SPOCK1: variants seen among roughly 807,000 people sequenced by gnomAD.
SPOCK1 encodes the protein SPARC (osteonectin), cwcv and kazal like domains proteoglycan 1.
SPOCK1 carries 23 observed loss-of-function variants against 55.3 expected under a neutral mutation model. The ratio of observed to expected loss-of-function variants is 0.42; its 90% CI spans 0.30 to 0.59. SPOCK1 has a LOEUF of 0.59. SPOCK1 is among the 20% of genes least tolerant of loss of function. The pLI, the probability that SPOCK1 is intolerant of heterozygous loss-of-function variation, is 0.22. For missense variants in SPOCK1, 499 were observed against 552.5 expected (o/e 0.90, Z 0.97); for synonymous variants, 226 against 221.0 (o/e 1.02, Z -0.20).
intron 4 of SPOCK1, among the ~76,000 whole-genome samples, chr5:137,127,991 T>C (rs180987968): frequency 9.3e-4 from 142 of 152,352 alleles, no homozygotes; most frequent in African/African-American, 3.3e-3. Flanking sequence ...GGACAATGTT[T>C]GTGTCTCCCC....
At chr5:136,999,822 C>T (rs567548590) in intron 6 of SPOCK1, among the ~76,000 whole-genome samples, 28 of 152,062 alleles carry the variant, frequency 1.8e-4, no homozygotes, top group Non-Finnish European at 3.7e-4. Flanking sequence ...ATTTGAACAC[C>T]CAATTGGGGA....
intron 3 of SPOCK1, among the ~76,000 whole-genome samples, chr5:137,236,526 C>A (rs1227487796): frequency 6.6e-6 from 1 of 152,202 alleles, no homozygotes; most frequent in African/African-American, 2.4e-5. Flanking sequence ...TCCCTGTAGG[C>A]CCCACAAATG....
chr5:137,242,279 G>A (rs572306024), intron 3 of SPOCK1, among the ~76,000 whole-genome samples: 4 of 152,256 alleles, frequency 2.6e-5, no homozygotes, highest in East Asian at 3.9e-4. Context: ...GGAGGGACCC[G>A]GTCGGAGGTA....
At chr5:137,008,649 T>A (rs1377487832) in intron 6 of SPOCK1, among the ~76,000 whole-genome samples, 1 of 151,976 alleles carries the variant, frequency 6.6e-6, no homozygotes, top group Non-Finnish European at 1.5e-5. Flanking sequence ...ACATACCCTG[T>A]CAATGAAGAA....
intron 6 of SPOCK1, among the ~76,000 whole-genome samples, chr5:137,053,584 G>A (rs146688438): frequency 6.7e-6 from 1 of 149,626 alleles, no homozygotes; most frequent in East Asian, 2.0e-4. Flanking sequence ...CAGTCACAAT[G>A]TTGCTTCAGC....
At chr5:137,042,268 T>G (rs1752014272) in intron 6 of SPOCK1, among the ~76,000 whole-genome samples, 1 of 152,142 alleles carries the variant, frequency 6.6e-6, no homozygotes. Flanking sequence ...GTAGAGCAGG[T>G]AAACAGATCA....
intron 6 of SPOCK1, among the ~76,000 whole-genome samples, chr5:137,005,319 T>C (rs966326608): frequency 4.7e-4 from 66 of 140,024 alleles, no homozygotes; most frequent in African/African-American, 1.7e-3. Context: ...ATTCCAATAA[T>C]AGCTTTTTTT....
chr5:137,107,113 C>CA (rs1432220186), intron 5 of SPOCK1, among the ~76,000 whole-genome samples: 1 of 152,138 alleles, frequency 6.6e-6, no homozygotes, highest in African/African-American at 2.4e-5. Flanking sequence ...TGCAGCTTCC[C>CA]AAATGTCCCT....
chr5:137,483,062 G>A (rs1204159362), intron 2 of SPOCK1, among the ~76,000 whole-genome samples: 1 of 152,222 alleles, frequency 6.6e-6, no homozygotes. Context: ...GCTGGGCATG[G>A]TGGCTCACGC....
At chr5:137,451,346 A>G (rs753572444) in intron 2 of SPOCK1, among the ~76,000 whole-genome samples, 2 of 152,148 alleles carry the variant, frequency 1.3e-5, no homozygotes, top group Non-Finnish European at 2.9e-5. Flanking sequence ...GTTTCTCCCA[A>G]TGTTGCCCCA....
chr5:137,107,948 C>T (rs867726091), intron 5 of SPOCK1, among the ~76,000 whole-genome samples: 3 of 152,104 alleles, frequency 2.0e-5, no homozygotes, highest in Non-Finnish European at 2.9e-5. Flanking sequence ...TATATTTTTG[C>T]CAAAACTAAT....
intron 2 of SPOCK1, among the ~76,000 whole-genome samples, chr5:137,413,461 A>T (rs1322265734): frequency 1.3e-5 from 2 of 152,350 alleles, no homozygotes; most frequent in East Asian, 3.9e-4. Flanking sequence ...GCAGATAATT[A>T]ACAGCTGAGT....
At chr5:137,216,214 G>C (rs1755712860) in intron 3 of SPOCK1, among the ~76,000 whole-genome samples, 1 of 152,140 alleles carries the variant, frequency 6.6e-6, no homozygotes, top group Non-Finnish European at 1.5e-5. Flanking sequence ...GCTGTCTTGA[G>C]GAGGGGTCTC....
Position 137,112,538 on chromosome 5 carries a change from T to TGGGCCACGTTCCC in SPOCK1, c.358_370dup (p.Gln124ArgfsTer58). On this transcript the variant is annotated frameshift_variant, in exon 5 of 11. Transcript: ENST00000394945. LOFTEE classifies it high-confidence loss of function. ...ATTCGAAGGTCCAACCCAGTGTTTC[T>TGGGCCACGTTCCC]GGGCCACGTTCCCCTTCTTTTGCCT... 6.2e-7 allele frequency: 1 copy of TGGGCCACGTTCCC among 1,613,650 alleles called. No individual in the cohort carries two copies. Among genetic ancestry groups the TGGGCCACGTTCCC allele is most frequent in the Non-Finnish European group, 8.5e-7 (1 of 1,179,962 alleles).
chr5:137,156,407 G>A (rs1277287725), intron 3 of SPOCK1, among the ~76,000 whole-genome samples: 3 of 152,094 alleles, frequency 2.0e-5, no homozygotes, highest in African/African-American at 7.2e-5. Flanking sequence ...AATTCCTCAT[G>A]AGAACACATC....
intron 4 of SPOCK1, among the ~76,000 whole-genome samples, chr5:137,137,751 C>T (rs1026440103): frequency 5.3e-5 from 8 of 152,198 alleles, no homozygotes; most frequent in South Asian, 2.1e-4. Flanking sequence ...AAACTGCAGA[C>T]GCAGGTGCAA....
At chr5:137,430,122 T>C (rs768532224) in intron 2 of SPOCK1, among the ~76,000 whole-genome samples, 5 of 152,222 alleles carry the variant, frequency 3.3e-5, no homozygotes, top group Non-Finnish European at 7.3e-5. Flanking sequence ...CACATGATAC[T>C]AATCTTACTA....
intron 5 of SPOCK1, among the ~76,000 whole-genome samples, chr5:137,073,596 T>C (rs1398994117): frequency 6.6e-6 from 1 of 152,168 alleles, no homozygotes; most frequent in Non-Finnish European, 1.5e-5. Flanking sequence ...CACATTTCTA[T>C]GAGTTAAGGC....
intron 2 of SPOCK1, among the ~76,000 whole-genome samples, chr5:137,375,841 C>G (rs778477076): frequency 6.6e-6 from 1 of 152,206 alleles, no homozygotes; most frequent in Non-Finnish European, 1.5e-5. Flanking sequence ...TGACCTCCAG[C>G]TACCCCAGTC....
Sources: allele counts gnomAD v4.1 joint callset (sites outside exome capture counted in the v4.1 genomes callset), GRCh38; gene constraint gnomAD v4.1.1; transcripts MANE v1.5; gene names NCBI Gene and HGNC (gene_info 2026-07-23, HGNC 2026-07-21).